The following HACE1 variants were observed in gnomAD, a reference collection of about 807,000 sequenced individuals.
HACE1 encodes the protein E3 ubiquitin-protein ligase HACE1.
HACE1 carries 73 observed loss-of-function variants against 118.4 expected under a neutral mutation model. The observed-to-expected ratio is 0.62, with a 90% CI of 0.51 to 0.75. The LOEUF (loss-of-function observed/expected upper bound fraction) is 0.75, where lower values mean the gene tolerates loss of function less well. Among genes scored for constraint, HACE1 ranks in the 30% least tolerant of loss-of-function variants. The pLI is 0.00. For synonymous variants in HACE1, 368 were observed against 374.8 expected (o/e 0.98, Z 0.21); for missense variants, 749 against 1,102.2 (o/e 0.68, Z 4.54).
intron 19 of HACE1, among the ~76,000 whole-genome samples, chr6:104,766,408 G>A (rs532176266): frequency 7.9e-5 from 12 of 152,200 alleles, no homozygotes; most frequent in African/African-American, 2.2e-4. Context: ...GTCAGTACTC[G>A]AAAAGTTTCA....
intron 6 of HACE1, among the ~76,000 whole-genome samples, chr6:104,813,790 T>C (rs1332583362): frequency 7.3e-6 from 1 of 137,378 alleles, no homozygotes; most frequent in Non-Finnish European, 1.6e-5. Flanking sequence ...AGCAGGCCTC[T>C]AACCTGAAAA....
intron 20 of HACE1, among the ~76,000 whole-genome samples, chr6:104,745,559 G>T (rs932599328): frequency 6.7e-6 from 1 of 149,538 alleles, no homozygotes; most frequent in Admixed American, 6.8e-5. Flanking sequence ...TCCCACCTCA[G>T]CCTCCCAAGT....
At chr6:104,838,508 C>CA (rs1014187664) in intron 5 of HACE1, among the ~76,000 whole-genome samples, 24 of 151,864 alleles carry the variant, frequency 1.6e-4, no homozygotes, top group African/African-American at 5.6e-4. Flanking sequence ...TATCCATACA[C>CA]AAAAAATGAA....
At position 104,859,434 on chromosome 6, in the gene HACE1, G is replaced by A. The variant is rs73768853; in HGVS notation, c.76+133C>T. 7.6e-4 allele frequency: 558 copies of A among 734,408 alleles called. 2 individuals carry two copies. In the African/African-American group the frequency reaches 9.6e-3, roughly 13 times the overall value. 45.5% of individuals were successfully genotyped at this position (734,408 alleles called of 1,614,324 possible). On this transcript the variant is annotated intron_variant, in intron 1 of 23. Transcript: ENST00000262903. The stretch of plus-strand genomic sequence containing the variant: ...GTTCGGGGCCCGGGGCCGCCTCTCA[G>A]CTCTGGAAAGTAAAAGTGGGCGTTT...
At chr6:104,767,791 C>T (rs1030864087) in intron 19 of HACE1, among the ~76,000 whole-genome samples, 1 of 152,132 alleles carries the variant, frequency 6.6e-6, no homozygotes, top group Non-Finnish European at 1.5e-5. Context: ...CAGAACATTT[C>T]CTTCTTCCCA....
intron 17 of HACE1, among the ~76,000 whole-genome samples, chr6:104,772,795 TA>T (rs1456887985): frequency 1.3e-5 from 2 of 152,156 alleles, no homozygotes; most frequent in Non-Finnish European, 2.9e-5. Context: ...ATAAAATATC[TA>T]GAATAGGCAA....
At chr6:104,760,751 C>T (rs1779264672) in intron 19 of HACE1, among the ~76,000 whole-genome samples, 3 of 152,182 alleles carry the variant, frequency 2.0e-5, no homozygotes, top group Non-Finnish European at 4.4e-5. Context: ...GAGAGGAAGT[C>T]AAATTGTCCC....
At chr6:104,822,678 G>A (rs1270430671) in intron 6 of HACE1, among the ~76,000 whole-genome samples, 1 of 151,826 alleles carries the variant, frequency 6.6e-6, no homozygotes, top group Non-Finnish European at 1.5e-5. Context: ...CCAACATAAT[G>A]AAACCCCGTC....
At chr6:104,810,224 A>T (rs1771451575) in intron 7 of HACE1, among the ~76,000 whole-genome samples, 1 of 152,110 alleles carries the variant, frequency 6.6e-6, no homozygotes, top group Non-Finnish European at 1.5e-5. Flanking sequence ...AATATAATGC[A>T]AGAAAATGGC....
At chr6:104,842,483 CAG>C (rs980593525) in intron 5 of HACE1, 2 of 151,546 alleles carry the variant, frequency 1.3e-5, no homozygotes, top group African/African-American at 4.9e-5. Context: ...GTGATTATCT[CAG>C]AGTGCAAGGA....
chr6:104,803,187 G>T (rs1423028796), intron 7 of HACE1, among the ~76,000 whole-genome samples: 1 of 152,160 alleles, frequency 6.6e-6, no homozygotes, highest in Admixed American at 6.5e-5. Context: ...CTCTGAAATT[G>T]AGGCAATAAT....
rs149270056 is a variant in HACE1 at position 104,756,411 on chromosome 6, C to CAA, written c.2212-5941_2212-5940dup. Among the ~76,000 whole-genome samples, 484 of 103,352 alleles carry CAA rather than the reference C, an allele frequency of 4.7e-3. 1 individual carries two copies. Among genetic ancestry groups the CAA allele is most frequent in the Middle Eastern group, 0.014 (2 of 142 alleles). The allele number at this position is 103,352 out of a possible 152,430, so 67.8% of individuals were successfully genotyped here. A position where few individuals can be genotyped will look rare whatever the true frequency, so the allele number is the denominator to read the frequency against. On this transcript the variant is annotated intron_variant, in intron 19 of 23. Coordinates refer to ENST00000262903, the MANE Select transcript of HACE1 (RefSeq NM_020771.4). ...TGAGTGACAGAGCCAGATTCCATCT[C>CAA]AAAAAAAAAAAAAAAATATATATAT...
intron 19 of HACE1, among the ~76,000 whole-genome samples, chr6:104,762,590 C>A (rs920907764): frequency 2.0e-5 from 3 of 152,076 alleles, no homozygotes; most frequent in African/African-American, 7.2e-5. Context: ...AGGAGAAATA[C>A]CTAATGTAGC....
chr6:104,789,429 ATTCTTGAAATAAGAAAG>A (rs1782769645), intron 11 of HACE1, among the ~76,000 whole-genome samples: 1 of 152,056 alleles, frequency 6.6e-6, no homozygotes, highest in Non-Finnish European at 1.5e-5. Context: ...TACCAACAAA[ATTCTTGAAATAAGAAAG>A]TATTTATATA....
At chr6:104,802,632 T>A (rs1770507442) in intron 7 of HACE1, among the ~76,000 whole-genome samples, 1 of 152,048 alleles carries the variant, frequency 6.6e-6, no homozygotes, top group Non-Finnish European at 1.5e-5. Flanking sequence ...AATAACGAAA[T>A]GAAGGCAGAA....
intron 11 of HACE1, among the ~76,000 whole-genome samples, chr6:104,787,929 TTC>T (rs566646122): frequency 2.6e-4 from 39 of 152,160 alleles, no homozygotes; most frequent in Non-Finnish European, 5.0e-4. Context: ...TTCTTTACTT[TTC>T]TCTCTTTTCT....
intron 6 of HACE1, among the ~76,000 whole-genome samples, chr6:104,821,264 T>C (rs1343562286): frequency 1.3e-5 from 2 of 152,068 alleles, no homozygotes; most frequent in Non-Finnish European, 2.9e-5. Flanking sequence ...GATGAAATAA[T>C]CTGTACAACA....
In HACE1 at chr6:104,785,246, CT is replaced by C; in HGVS notation, c.1147del (p.Arg383GlufsTer11). 1 of 1,612,870 alleles carries C rather than the reference CT, an allele frequency of 6.2e-7. No individual in the cohort carries two copies. The highest frequency in any genetic ancestry group is 1.1e-5 in the South Asian group (1 of 91,062). On this transcript the variant is annotated frameshift_variant, in exon 12 of 24. Transcript: ENST00000262903. LOFTEE classifies it high-confidence loss of function. ...LIATELMKNKRDSTEITSILL... is the reference protein window; with the variant it reads ...LIATELMKNKXDSTEITSILL... The stretch of plus-strand genomic sequence containing the variant: ...AATAGAAGTGATCTCTGTTGAGTCT[CT>C]TTTGTTTTTCATCAATTCTGTGGCT...
chr6:104,818,359 C>T (rs905533701), intron 6 of HACE1, among the ~76,000 whole-genome samples: 10 of 152,028 alleles, frequency 6.6e-5, no homozygotes, highest in Admixed American at 1.3e-4. Context: ...TGGAAAGTAG[C>T]AACGGTGTTC....
Sources: allele counts gnomAD v4.1 joint callset (sites outside exome capture counted in the v4.1 genomes callset), GRCh38; gene constraint gnomAD v4.1.1; transcripts MANE v1.5; gene names NCBI Gene and HGNC (gene_info 2026-07-23, HGNC 2026-07-21).